GPD2: variants seen among roughly 807,000 people sequenced by gnomAD.
The protein encoded by GPD2 is glycerol-3-phosphate dehydrogenase 2.
Under a neutral mutation model 82.4 loss-of-function variants are expected in GPD2, and 54 were observed. The ratio of observed to expected loss-of-function variants is 0.66; its 90% CI spans 0.53 to 0.82. The LOEUF (loss-of-function observed/expected upper bound fraction) is 0.82. Among genes scored for constraint, GPD2 ranks in the 40% least tolerant of loss-of-function variants. The pLI, the probability that GPD2 is intolerant of heterozygous loss-of-function variation, is 0.00. For synonymous variants in GPD2, 288 were observed against 306.1 expected (o/e 0.94, Z 0.62); for missense variants, 748 against 896.2 (o/e 0.83, Z 2.11).
intron 6 of GPD2, among the ~76,000 whole-genome samples, chr2:156,541,929 A>G (rs1209457574): frequency 7.7e-6 from 1 of 129,438 alleles, no homozygotes. Flanking sequence ...ACATTTTTGT[A>G]CAGAAATAGC....
intron 9 of GPD2, among the ~76,000 whole-genome samples, chr2:156,563,146 GTTCT>G (rs1687236926): frequency 6.6e-6 from 1 of 152,048 alleles, no homozygotes; most frequent in African/African-American, 2.4e-5. Flanking sequence ...AGGCCCAAGC[GTTCT>G]TGCTTTGGTT....
chr2:156,573,550 A>G (rs576831234), intron 13 of GPD2, among the ~76,000 whole-genome samples: 196 of 152,298 alleles, frequency 1.3e-3, no homozygotes, highest in Non-Finnish European at 2.2e-3. Context: ...AACATATTTT[A>G]TGCTAGGAAT....
intron 3 of GPD2, among the ~76,000 whole-genome samples, chr2:156,496,795 T>C (rs1211491497): frequency 6.6e-6 from 1 of 152,146 alleles, no homozygotes; most frequent in Non-Finnish European, 1.5e-5. Flanking sequence ...CAGTCAATGG[T>C]AGAAAAATTT....
intron 1 of GPD2, among the ~76,000 whole-genome samples, chr2:156,458,056 G>A (rs1682847482): frequency 6.6e-6 from 1 of 152,202 alleles, no homozygotes; most frequent in East Asian, 1.9e-4. Context: ...TCTCCTGGGT[G>A]TCATTGGTGT....
rs574275229 is a variant in GPD2, at chr2:156,519,213, G to T, written c.661+5717G>T. 1.1e-4 allele frequency among the ~76,000 whole-genome samples: 16 copies of T among 151,874 alleles called. No individual in the cohort carries two copies. In the South Asian group the frequency reaches 3.3e-3, roughly 32 times the overall value. ...GGAATAGTCAGTTTAATTTTTTTGG[G>T]GGGGGGCCACTAGTAATTTGTCATT... On this transcript the variant is annotated intron_variant, in intron 6 of 16. Transcript: ENST00000438166.
In GPD2 at chr2:156,496,142, A is replaced by T. The variant is rs77492341; in HGVS notation, c.201A>T (p.Thr67=). 2 of 1,612,910 alleles carry T rather than the reference A, an allele frequency of 1.2e-6. No individual in the cohort carries two copies. Among genetic ancestry groups the T allele is most frequent in the Non-Finnish European group, 1.7e-6 (2 of 1,178,926 alleles). The part of the protein sequence containing the change: ...REAQLLTLQN[T]SEFDILVIGG... ...CTCAGCTACTGACTTTGCAAAACAC[A>T]TCTGAATTTGATATCCTTGTTATTG... Residue 67 remains threonine, a synonymous_variant, in exon 3 of 17, where the codon ACA becomes ACT. Coordinates refer to ENST00000438166, the MANE Select transcript of GPD2 (RefSeq NM_000408.5).
At position 156,512,220 on chromosome 2, in the gene GPD2, T is replaced by A. The variant is rs1036924319; in HGVS notation, c.400T>A (p.Tyr134Asn). 1.3e-6 allele frequency: 2 copies of A among 1,518,922 alleles called. No individual in the cohort carries two copies. The highest frequency in any genetic ancestry group is 1.8e-6 in the Non-Finnish European group (2 of 1,093,104). 94.1% of individuals were successfully genotyped at this position (1,518,922 alleles called of 1,614,324 possible). A position where few individuals can be genotyped will look rare whatever the true frequency, so the allele number is the denominator to read the frequency against. ...KAIMKLDIEQ[Y>N]RMVKEALHER... ...TAATTTTCTCTGTTTTGCCTTTCAG[T>A]ATAGGATGGTAAAAGAAGCCCTTCA... Residue 134 changes from tyrosine to asparagine, a missense_variant and splice_region_variant, in exon 5 of 17, where the codon TAT (tyrosine) becomes AAT (asparagine). Physicochemically the swap from Tyr to Asn is moderately radical, Grantham distance 143 (BLOSUM62 -2). Transcript: ENST00000438166.
intron 13 of GPD2, among the ~76,000 whole-genome samples, chr2:156,577,495 A>C (rs1347076469): frequency 6.6e-6 from 1 of 152,196 alleles, no homozygotes; most frequent in Non-Finnish European, 1.5e-5. Flanking sequence ...TCAGAAAAAA[A>C]AAAGTTTGTC....
At chr2:156,509,681 A>G (rs975942655) in intron 3 of GPD2, among the ~76,000 whole-genome samples, 2 of 151,736 alleles carry the variant, frequency 1.3e-5, no homozygotes, top group African/African-American at 4.8e-5. Context: ...GAGATCTATA[A>G]CAGCCCTCAA....
Position 156,569,007 on chromosome 2 carries a change from G to A in GPD2, c.1300+48G>A, listed in dbSNP as rs760296633. 4.5e-5 allele frequency: 28 copies of A among 628,186 alleles called. No individual in the cohort carries two copies. In the African/African-American group the frequency reaches 8.9e-4, roughly 20 times the overall value. 38.9% of individuals were successfully genotyped at this position (628,186 alleles called of 1,614,324 possible). A position where few individuals can be genotyped will look rare whatever the true frequency, so the allele number is the denominator to read the frequency against. ...TTTCTTTTCTTTTTTTTTTTTTTTT[G>A]TTATAGGGACAGGGTCTCACCATGT... is the stretch of plus-strand genomic sequence containing the variant. On this transcript the variant is annotated intron_variant, in intron 10 of 16. Transcript: ENST00000438166.
At chr2:156,423,983 A>G in the GPD2 span, among the ~76,000 whole-genome samples, 2 of 152,200 alleles carry the variant, frequency 1.3e-5, no homozygotes, top group African/African-American at 4.8e-5. Context: ...TGGCTAATCG[A>G]AAGGGTATTG....
chr2:156,451,227 C>T (rs1307440301), intron 1 of GPD2, among the ~76,000 whole-genome samples: 1 of 152,050 alleles, frequency 6.6e-6, no homozygotes, highest in Non-Finnish European at 1.5e-5. Context: ...TCCTCACCTC[C>T]CAGTAGGGGT....
chr2:156,488,423 G>A (rs1389209413), intron 2 of GPD2, among the ~76,000 whole-genome samples: 1 of 152,140 alleles, frequency 6.6e-6, no homozygotes, highest in African/African-American at 2.4e-5. Flanking sequence ...CATATATTAT[G>A]GGAGAGAGTG....
rs114134453 is a variant in GPD2 at position 156,492,985 on chromosome 2, G to A, written c.103-3059G>A. ...TAGGCAGTGTGAGATCTGGGTTCCT[G>A]AATGGTGGAACAAAATTAGAAATTA... is the stretch of plus-strand genomic sequence containing the variant. On this transcript the variant is annotated intron_variant, in intron 2 of 16. Coordinates refer to ENST00000438166, the MANE Select transcript of GPD2 (RefSeq NM_000408.5). Among the ~76,000 whole-genome samples the A allele has an allele frequency of 7.8e-4, 119 of 152,318 alleles. 1 individual carries two copies. The highest frequency in any genetic ancestry group is 2.8e-3 in the African/African-American group (116 of 41,580).
rs779876285 is a variant in GPD2 at position 156,513,377 on chromosome 2, A to G, written c.542A>G (p.Asp181Gly). The change falls in exon 6 of 17, where the codon GAT (aspartate) becomes GGT (glycine). Residue 181 changes from aspartate (D) to glycine (G), a missense_variant. Asp to Gly is a moderately conservative substitution (Grantham distance 94). Transcript: ENST00000438166. ...PYYWVGIKLY[D>G]LVAGSNCLKS... ...TACTGGGTAGGAATCAAGCTGTATG[A>G]TTTGGTTGCAGGAAGCAATTGCCTA... The G allele has an allele frequency of 3.7e-6, 6 of 1,612,302 alleles. No homozygotes were observed. The highest frequency in any genetic ancestry group is 1.9e-4 in the Middle Eastern group (1 of 5,240).
chr2:156,572,439 T>G (rs560243491), intron 13 of GPD2, among the ~76,000 whole-genome samples: 3 of 152,282 alleles, frequency 2.0e-5, no homozygotes, highest in Non-Finnish European at 1.5e-5. Context: ...CACCGGTATC[T>G]GTCACATGGA....
intron 6 of GPD2, among the ~76,000 whole-genome samples, chr2:156,517,068 G>T (rs550409614): frequency 1.3e-5 from 2 of 152,316 alleles, no homozygotes; most frequent in Admixed American, 6.5e-5. Flanking sequence ...GGCAAAGTTT[G>T]TTCTCCCACA....
At chr2:156,569,015 G>A (rs1183789314) in intron 10 of GPD2, 56 bp downstream of exon 10, 2 of 1,383,118 alleles carry the variant, frequency 1.4e-6, no homozygotes, top group Admixed American at 3.7e-5. Context: ...TTGTTATAGG[G>A]ACAGGGTCTC....
chr2:156,458,446 A>T (rs1394211024), intron 1 of GPD2, among the ~76,000 whole-genome samples: 1 of 152,232 alleles, frequency 6.6e-6, no homozygotes, highest in Non-Finnish European at 1.5e-5. Context: ...CTAAAAATGT[A>T]GGGCGAGTTT....
Sources: allele counts gnomAD v4.1 joint callset (sites outside exome capture counted in the v4.1 genomes callset), GRCh38; gene constraint gnomAD v4.1.1; transcripts MANE v1.5; gene names NCBI Gene and HGNC (gene_info 2026-07-23, HGNC 2026-07-21).